Variants in LLGL1 observed in about 807,000 individuals in gnomAD.
The protein encoded by LLGL1 is LLGL scribble cell polarity complex component 1.
LLGL1 carries 58 observed loss-of-function variants against 110.6 expected under a neutral mutation model. That is an observed-to-expected ratio of 0.52 (90% CI 0.42 to 0.65). LLGL1 has a LOEUF of 0.65. Ranked by LOEUF, LLGL1 falls within the 30% of genes least tolerant of loss-of-function variation. The pLI is 0.00. For missense variants in LLGL1, 1,229 were observed against 1,462.1 expected (o/e 0.84, Z 2.60); for synonymous variants, 674 against 607.2 (o/e 1.11, Z -1.62).
At position 18,225,688 on chromosome 17, in the gene LLGL1, G is replaced by T; in HGVS notation, c.6G>T (p.Met2Ile). 1.9e-6 allele frequency: 2 copies of T among 1,036,140 alleles called. No homozygotes were observed. The highest frequency in any genetic ancestry group is 2.3e-6 in the Non-Finnish European group (2 of 855,346). The allele number at this position is 1,036,140 out of a possible 1,614,324, so 64.2% of individuals were successfully genotyped here. A position where few individuals can be genotyped will look rare whatever the true frequency, so the allele number is the denominator to read the frequency against. Residue 2 changes from methionine (M) to isoleucine (I), a missense_variant, in exon 1 of 23, where the codon ATG becomes ATT. Met to Ile is a conservative substitution (Grantham distance 10, BLOSUM62 1). Transcript: ENST00000316843. ...CGCCTGCAGCCGGGCGCAAGATGATGAAGTTTCGGTTCCGGCGGCAGGGCG... is the reference window on the plus strand; with the variant it reads ...CGCCTGCAGCCGGGCGCAAGATGATTAAGTTTCGGTTCCGGCGGCAGGGCG... Reference protein sequence around the residue: MMKFRFRRQGAD... With the variant: MIKFRFRRQGAD...
intron 13 of LLGL1, 121 bp from the exon 14 acceptor site, chr17:18,237,359 TG>T (rs2047715795): frequency 1.0e-6 from 1 of 955,324 alleles, no homozygotes; most frequent in African/African-American, 1.7e-5. Context: ...GCTGATGAAC[TG>T]AAGACAGTCC....
intron 11 of LLGL1, 44 bp downstream of exon 11, chr17:18,235,581 G>C: frequency 6.3e-7 from 1 of 1,590,818 alleles, no homozygotes; most frequent in South Asian, 1.1e-5. Flanking sequence ...CCTTGCTGTT[G>C]GGGGAGAGCC....
chr17:18,229,813 T>C (rs2047528996), intron 1 of LLGL1, 128 bp from the exon 2 acceptor site: 3 of 647,564 alleles, frequency 4.6e-6, no homozygotes, highest in South Asian at 1.8e-5. Flanking sequence ...ACAGAGCAAG[T>C]AGACCTGCCT....
At chr17:18,237,899 C>T (rs1247361861) in intron 14 of LLGL1, 126 bp downstream of exon 14, 29 of 1,295,398 alleles carry the variant, frequency 2.2e-5, no homozygotes, top group Non-Finnish European at 2.7e-5. Context: ...AAGAAATAAC[C>T]TGGCAGCTCC....
intron 5 of LLGL1, 27 bp from the exon 6 acceptor site, chr17:18,233,986 T>C (rs771336190): frequency 6.3e-7 from 1 of 1,596,364 alleles, no homozygotes; most frequent in Non-Finnish European, 8.6e-7. Context: ...CGGGAAGTTC[T>C]GCTGGCTCAC....
intron 19 of LLGL1, 48 bp downstream of exon 19, chr17:18,242,047 A>G: frequency 2.6e-6 from 4 of 1,562,368 alleles, no homozygotes; most frequent in Non-Finnish European, 3.5e-6. Flanking sequence ...GCCCAGGGCC[A>G]GGTCTCATCC....
intron 2 of LLGL1, among the ~76,000 whole-genome samples, chr17:18,230,295 G>A (rs1022704081): frequency 1.8e-4 from 28 of 152,302 alleles, no homozygotes; most frequent in African/African-American, 5.5e-4. Context: ...CCCTTGCTAC[G>A]TGTCAGCCAG....
chr17:18,236,708 A>T lies in LLGL1; in HGVS notation c.1454A>T (p.His485Leu). The change falls in exon 12 of 23, where the codon CAC becomes CTC. Residue 485 changes from histidine to leucine, a missense_variant. By Grantham distance (99) the His-to-Leu change is moderately conservative. Coordinates refer to ENST00000316843, the MANE Select transcript of LLGL1 (RefSeq NM_004140.4). ...TAGLFQTDCE[H>L]ADSLAQAAED... ...GGCCTCTTCCAGACAGACTGTGAGCACGCTGACAGCCTGGCCCAGGCTGCC... is the reference window on the plus strand; with the variant it reads ...GGCCTCTTCCAGACAGACTGTGAGCTCGCTGACAGCCTGGCCCAGGCTGCC... 6.2e-7 allele frequency: 1 copy of T among 1,612,580 alleles called. No homozygotes were observed. The highest frequency in any genetic ancestry group is 8.5e-7 in the Non-Finnish European group (1 of 1,179,974).
chr17:18,230,200 G>C (rs1010903983), intron 2 of LLGL1, among the ~76,000 whole-genome samples, 162 bp downstream of exon 2: 3 of 152,172 alleles, frequency 2.0e-5, no homozygotes, highest in Non-Finnish European at 4.4e-5. Context: ...CGTGGCTTCT[G>C]TACCTGAGAC....
At chr17:18,237,203 A>G in intron 13 of LLGL1, 1 of 594,352 alleles carries the variant, frequency 1.7e-6, no homozygotes, top group African/African-American at 1.9e-5. Flanking sequence ...ATGTGTCCTT[A>G]TTGCTAAATG....
At chr17:18,228,758 A>G (rs2047507067) in intron 1 of LLGL1, among the ~76,000 whole-genome samples, 1 of 152,232 alleles carries the variant, frequency 6.6e-6, no homozygotes, top group Admixed American at 6.5e-5. Flanking sequence ...GGTGGGAGAG[A>G]GAAGCCCCAG....
intron 20 of LLGL1, 68 bp from the exon 21 acceptor site, chr17:18,242,440 G>A (rs2142728072): frequency 6.2e-7 from 1 of 1,602,074 alleles, no homozygotes; most frequent in East Asian, 2.2e-5. Context: ...ATGGGTCTGT[G>A]TCCCTAGGCC....
chr17:18,230,085 C>A, intron 2 of LLGL1, 47 bp downstream of exon 2: 2 of 1,380,438 alleles, frequency 1.4e-6, no homozygotes, highest in Non-Finnish European at 2.0e-6. Context: ...GGACCACCTG[C>A]CTGTAGTTCC....
intron 22 of LLGL1, 85 bp downstream of exon 22, chr17:18,242,907 TCTAC>T (rs753619892): frequency 2.1e-4 from 270 of 1,283,512 alleles, no homozygotes; most frequent in Non-Finnish European, 2.7e-4. Context: ...GCCCTGGTCT[TCTAC>T]CTGAGACCCT....
At position 18,234,872 on chromosome 17, in the gene LLGL1, C is replaced by G. The variant is rs746816229; in HGVS notation, c.939C>G (p.Pro313=). 1.2e-6 allele frequency: 2 copies of G among 1,614,078 alleles called. No individual in the cohort carries two copies. Among genetic ancestry groups the G allele is most frequent in the Admixed American group, 3.3e-5 (2 of 60,006 alleles). ...GHFIIFSGGM[P]RASYGDRHCV... is the part of the protein sequence containing the mutation. ...TTATCATCTTCAGCGGTGGCATGCCCCGTGCCAGCTATGGTGACCGCCACT... is the reference window on the plus strand; with the variant it reads ...TTATCATCTTCAGCGGTGGCATGCCGCGTGCCAGCTATGGTGACCGCCACT... The change falls in exon 9 of 23, where the codon CCC becomes CCG. Residue 313 remains proline (P), a synonymous_variant. Transcript: ENST00000316843.
In LLGL1 at chr17:18,229,806, G is replaced by T. The variant is rs766706119; in HGVS notation, c.82-135G>T. 13 of 636,244 alleles carry T rather than the reference G, an allele frequency of 2.0e-5. No individual in the cohort carries two copies. In the East Asian group the frequency reaches 3.5e-4, roughly 17 times the overall value. The allele number at this position is 636,244 out of a possible 1,614,324, so 39.4% of individuals were successfully genotyped here. ...TCACAGTTGAGGACGCTGAGGCACA[G>T]AGCAAGTAGACCTGCCTCCTACCCC... On this transcript the variant is annotated intron_variant, in intron 1 of 22. Transcript: ENST00000316843.
rs759098499 is a variant in LLGL1 at position 18,240,417 on chromosome 17, G to C, written c.2207-161G>C. ...AGGCCTCGAGGCTGGAGGTCACCAGGGAGGCATGGGGCAGGAGGGAATCAG... is the reference window on the plus strand; with the variant it reads ...AGGCCTCGAGGCTGGAGGTCACCAGCGAGGCATGGGGCAGGAGGGAATCAG... On this transcript the variant is annotated intron_variant, in intron 16 of 22. Transcript: ENST00000316843. This position sits in a 1 kb window ranked among gnomAD's most constrained non-coding sequence, Gnocchi z 5.3. Among the ~76,000 whole-genome samples the C allele has an allele frequency of 1.3e-5, 2 of 152,154 alleles. No individual in the cohort carries two copies. Among genetic ancestry groups the C allele is most frequent in the Non-Finnish European group, 2.9e-5 (2 of 68,004 alleles).
intron 14 of LLGL1, 23 bp from the exon 15 acceptor site, chr17:18,238,044 G>A (rs763845666): frequency 3.4e-5 from 55 of 1,612,350 alleles, no homozygotes; most frequent in Middle Eastern, 1.6e-4. Context: ...TCTATAGCAC[G>A]ACTGGACCCT....
At chr17:18,232,605 C>T in intron 3 of LLGL1, 29 bp downstream of exon 3, 1 of 1,614,044 alleles carries the variant, frequency 6.2e-7, no homozygotes, top group Non-Finnish European at 8.5e-7. Flanking sequence ...CTAGCCAGCT[C>T]CCTGTGGCCC....
Sources: allele counts gnomAD v4.1 joint callset (sites outside exome capture counted in the v4.1 genomes callset), GRCh38; gene constraint gnomAD v4.1.1; non-coding constraint Gnocchi (gnomAD v3.1); transcripts MANE v1.5; gene names NCBI Gene and HGNC (gene_info 2026-07-23, HGNC 2026-07-21).